SCHIP1: variants seen among roughly 807,000 people sequenced by gnomAD.
SCHIP1 encodes schwannomin-interacting protein 1.
In SCHIP1, 8 loss-of-function variants were observed where a neutral mutation model predicts 29.7. The ratio of observed to expected loss-of-function variants is 0.27; its 90% CI spans 0.16 to 0.49. The LOEUF (loss-of-function observed/expected upper bound fraction) is 0.49, where lower values mean the gene tolerates loss of function less well. Ranked by LOEUF, SCHIP1 falls within the 20% of genes least tolerant of loss-of-function variation. SCHIP1 has a pLI of 0.99. For synonymous variants in SCHIP1, 76 were observed against 94.9 expected (o/e 0.80, Z 1.16); for missense variants, 193 against 294.6 (o/e 0.66, Z 2.52).
chr3:159,391,433 G>T, the SCHIP1 span, among the ~76,000 whole-genome samples: 1 of 152,046 alleles, frequency 6.6e-6, no homozygotes, highest in African/African-American at 2.4e-5. Context: ...AGGTACAGTG[G>T]GGCTAAAAAT....
At chr3:159,377,606 G>A in the SCHIP1 span, among the ~76,000 whole-genome samples, 1 of 152,070 alleles carries the variant, frequency 6.6e-6, no homozygotes, top group African/African-American at 2.4e-5. Flanking sequence ...ATGGTTTATG[G>A]GTAATGAAAG....
At chr3:159,571,759 A>C in the SCHIP1 span, among the ~76,000 whole-genome samples, 1 of 152,038 alleles carries the variant, frequency 6.6e-6, no homozygotes, top group East Asian at 1.9e-4. Context: ...CTGGTCCTGG[A>C]CTTTTTTTGG....
chr3:159,386,608 A>G, the SCHIP1 span: 1 of 152,190 alleles, frequency 6.6e-6, no homozygotes, highest in African/African-American at 2.4e-5. Context: ...AAAAAGAACA[A>G]AGCTGGAGAC....
the SCHIP1 span, among the ~76,000 whole-genome samples, chr3:159,523,664 C>T: frequency 1.4e-3 from 212 of 152,244 alleles, no homozygotes; most frequent in South Asian, 0.026. Context: ...TTTACGCATC[C>T]ATCCATCTAT....
At chr3:159,604,834 C>T in the SCHIP1 span, among the ~76,000 whole-genome samples, 6 of 152,092 alleles carry the variant, frequency 3.9e-5, no homozygotes, top group Non-Finnish European at 8.8e-5. Context: ...TAAAATGTTT[C>T]ATGAAGTCAC....
At chr3:159,612,041 A>C in the SCHIP1 span, among the ~76,000 whole-genome samples, 4 of 152,094 alleles carry the variant, frequency 2.6e-5, no homozygotes, top group Non-Finnish European at 5.9e-5. Flanking sequence ...TAAAATCAAA[A>C]CTTTACAGGC....
chr3:159,406,071 C>A, the SCHIP1 span, among the ~76,000 whole-genome samples: 1 of 151,562 alleles, frequency 6.6e-6, no homozygotes, highest in East Asian at 2.0e-4. Flanking sequence ...AAAGGGATAA[C>A]AAACAACTTC....
chr3:159,345,792 C>T, the SCHIP1 span, among the ~76,000 whole-genome samples: 1 of 152,134 alleles, frequency 6.6e-6, no homozygotes, highest in African/African-American at 2.4e-5. Flanking sequence ...AGAGGAGGGC[C>T]TGGGCCTGAG....
At chr3:159,373,661 G>GTATT in the SCHIP1 span, among the ~76,000 whole-genome samples, 2 of 152,136 alleles carry the variant, frequency 1.3e-5, no homozygotes, top group South Asian at 4.1e-4. Context: ...AGTTCATTCA[G>GTATT]TATTTGTCTT....
the SCHIP1 span, among the ~76,000 whole-genome samples, chr3:159,549,509 C>T: frequency 7.0e-4 from 106 of 152,120 alleles, no homozygotes; most frequent in African/African-American, 2.3e-3. Flanking sequence ...GAAGAAATAC[C>T]ACAGAACTTG....
At position 159,881,997 on chromosome 3, in the gene SCHIP1, G is replaced by C. The variant is rs1716487939; in HGVS notation, c.150-4210G>C. On this transcript the variant is annotated intron_variant, in intron 2 of 6. Transcript: ENST00000445224. ...GGACCTGTTCTGAGGGTGGTGGCAG[G>C]GCTCCCTGAGGGGGAAACTGGAATA... Among the ~76,000 whole-genome samples the C allele has an allele frequency of 2.0e-5, 3 of 152,322 alleles. No individual in the cohort carries two copies. In the South Asian group the frequency reaches 6.2e-4, roughly 32 times the overall value.
the SCHIP1 span, among the ~76,000 whole-genome samples, chr3:159,475,142 C>T: frequency 6.6e-6 from 1 of 152,116 alleles, no homozygotes; most frequent in Non-Finnish European, 1.5e-5. Flanking sequence ...ATGTTCACAG[C>T]AGCATTACTC....
chr3:159,753,978 G>A, the SCHIP1 span, among the ~76,000 whole-genome samples: 2 of 152,076 alleles, frequency 1.3e-5, no homozygotes, highest in Admixed American at 1.3e-4. Flanking sequence ...AGCATCATTT[G>A]AGTCCACTTT....
At chr3:159,890,738 G>T (rs1042309057) in intron 5 of SCHIP1, among the ~76,000 whole-genome samples, 3 of 151,798 alleles carry the variant, frequency 2.0e-5, no homozygotes, top group South Asian at 2.1e-4. Flanking sequence ...TCCTTTTCAG[G>T]AATAGATGAA....
Position 159,879,983 on chromosome 3 carries a change from G to C in SCHIP1, c.150-6224G>C, listed in dbSNP as rs547260052. 7.7e-4 allele frequency among the ~76,000 whole-genome samples: 117 copies of C among 152,176 alleles called. 1 individual carries two copies. Among genetic ancestry groups the C allele is most frequent in the African/African-American group, 2.5e-3 (105 of 41,508 alleles). The stretch of plus-strand genomic sequence containing the variant: ...TCATGTGAACATGTACAGATGGAAG[G>C]GTCCAGAACTAGTCTTAGAAGAGCA... On this transcript the variant is annotated intron_variant, in intron 2 of 6. Coordinates refer to ENST00000445224, the Ensembl canonical transcript of SCHIP1.
chr3:159,602,860 T>C, the SCHIP1 span, among the ~76,000 whole-genome samples: 1 of 152,164 alleles, frequency 6.6e-6, no homozygotes, highest in Admixed American at 6.5e-5. Flanking sequence ...TGTGGGGTAT[T>C]TTTCCCCACA....
the SCHIP1 span, among the ~76,000 whole-genome samples, chr3:159,394,378 T>G: frequency 1.3e-5 from 2 of 152,136 alleles, no homozygotes; most frequent in Non-Finnish European, 2.9e-5. Flanking sequence ...AGAGAGGGCA[T>G]CCCTGTCTTG....
upstream of SCHIP1, among the ~76,000 whole-genome samples, chr3:159,837,549 C>T (rs1036005123): frequency 9.2e-5 from 14 of 152,232 alleles, 2 homozygotes; most frequent in East Asian, 1.9e-4. Flanking sequence ...AAGGTGAAAC[C>T]GTGCCTCTAC....
chr3:159,371,411 G>A, the SCHIP1 span, among the ~76,000 whole-genome samples: 6 of 152,172 alleles, frequency 3.9e-5, no homozygotes, highest in Non-Finnish European at 8.8e-5. Flanking sequence ...AGGGACTGAG[G>A]AAGATTTCAC....
Sources: allele counts gnomAD v4.1 joint callset (sites outside exome capture counted in the v4.1 genomes callset), GRCh38; gene constraint gnomAD v4.1.1; transcripts MANE v1.5; gene names NCBI Gene and HGNC (gene_info 2026-07-23, HGNC 2026-07-21).